KIF21A: variants seen among roughly 807,000 people sequenced by gnomAD.
The protein encoded by KIF21A is kinesin family member 21A.
A neutral mutation model predicts 202.9 loss-of-function variants in KIF21A; 114 were observed. That is an observed-to-expected ratio of 0.56 (90% CI 0.48 to 0.66). KIF21A has a LOEUF of 0.66. Ranked by LOEUF, KIF21A falls within the 30% of genes least tolerant of loss-of-function variation. The pLI is 0.00. For missense variants in KIF21A, 1,677 were observed against 1,994.9 expected (o/e 0.84, Z 3.04); for synonymous variants, 667 against 670.8 (o/e 0.99, Z 0.09).
intron 13 of KIF21A, 88 bp downstream of exon 13, chr12:39,341,946 T>C: frequency 1.1e-6 from 1 of 899,486 alleles, no homozygotes; most frequent in South Asian, 1.4e-5. Flanking sequence ...GCAGTTCACT[T>C]TTCTACAAGT....
At chr12:39,362,050 A>C (rs1949279970) in intron 7 of KIF21A, among the ~76,000 whole-genome samples, 1 of 151,908 alleles carries the variant, frequency 6.6e-6, no homozygotes, top group Admixed American at 6.6e-5. Context: ...GGTTGCTTAA[A>C]AGTGTTTGGC....
At chr12:39,405,938 C>T (rs534584044) in intron 1 of KIF21A, among the ~76,000 whole-genome samples, 235 of 152,248 alleles carry the variant, frequency 1.5e-3, no homozygotes, top group African/African-American at 5.6e-3. Context: ...GTGTGACTAA[C>T]ATTTTATTTT....
chr12:39,388,864 T>C (rs1383422959), intron 1 of KIF21A, among the ~76,000 whole-genome samples: 4 of 152,282 alleles, frequency 2.6e-5, no homozygotes, highest in African/African-American at 7.2e-5. Context: ...TACTCCTTAT[T>C]TTAAAACATA....
Position 39,366,533 on chromosome 12 carries a change from A to C in KIF21A, c.736-16T>G. The stretch of plus-strand genomic sequence containing the variant: ...TTGCATTGTCCTGAAATTAAGAAAA[A>C]TAATTGAAAATACTTTATTAATGTA... On this transcript the variant is annotated splice_polypyrimidine_tract_variant and intron_variant, in intron 5 of 37. Coordinates refer to ENST00000361418, the MANE Select transcript of KIF21A (RefSeq NM_001173464.2). The C allele has an allele frequency of 6.5e-7, 1 of 1,529,236 alleles. No homozygotes were observed. Among genetic ancestry groups the C allele is most frequent in the Non-Finnish European group, 9.0e-7 (1 of 1,109,692 alleles). 94.7% of individuals were successfully genotyped at this position (1,529,236 alleles called of 1,614,324 possible).
At chr12:39,311,629 T>C in intron 31 of KIF21A, 76 bp from the exon 32 acceptor site, 1 of 1,502,326 alleles carries the variant, frequency 6.7e-7, no homozygotes, top group Non-Finnish European at 9.2e-7. Flanking sequence ...TAGTTTTGTT[T>C]TTTTCCCCTA....
At chr12:39,347,951 C>T (rs1300864556) in intron 11 of KIF21A, among the ~76,000 whole-genome samples, 1 of 152,032 alleles carries the variant, frequency 6.6e-6, no homozygotes, top group African/African-American at 2.4e-5. Context: ...GTCTACTCTA[C>T]GCCTATACTA....
chr12:39,432,499 AT>A (rs1195860539), intron 1 of KIF21A, among the ~76,000 whole-genome samples: 2 of 152,238 alleles, frequency 1.3e-5, no homozygotes, highest in African/African-American at 4.8e-5. Flanking sequence ...TGTCAATTAA[AT>A]CACTGATATA....
intron 1 of KIF21A, among the ~76,000 whole-genome samples, chr12:39,371,977 G>A (rs1269672018): frequency 3.3e-5 from 5 of 150,858 alleles, no homozygotes; most frequent in Non-Finnish European, 4.4e-5. Flanking sequence ...ATCAAGACAG[G>A]TCAAGGAACA....
At position 39,309,739 on chromosome 12, in the gene KIF21A, A is replaced by G; in HGVS notation, c.4124T>C (p.Val1375Ala). 6.2e-7 allele frequency: 1 copy of G among 1,613,416 alleles called. No homozygotes were observed. ...CAGTGACATTATTTCCTGCCCAGTCACCAGATTCCATACTTTACAAGTACG... is the reference window on the plus strand; with the variant it reads ...CAGTGACATTATTTCCTGCCCAGTCGCCAGATTCCATACTTTACAAGTACG... ...KDRTCKVWNL[V>A]TGQEIMSLGG... The change falls in exon 33 of 38, where the codon GTG becomes GCG. Residue 1375 changes from valine to alanine, a missense_variant. This residue lies in a region of KIF21A where 705 missense variants were observed against 791.9 expected (regional missense o/e 0.89). Transcript: ENST00000361418.
intron 10 of KIF21A, among the ~76,000 whole-genome samples, chr12:39,354,652 CAT>C (rs959925689): frequency 2.6e-5 from 4 of 151,990 alleles, no homozygotes; most frequent in African/African-American, 9.7e-5. Context: ...AATAAACAAA[CAT>C]AAATTTGCAT....
In KIF21A at chr12:39,358,194, A is replaced by C; in HGVS notation, c.1199T>G (p.Leu400Arg). Residue 400 changes from leucine to arginine, a missense_variant, in exon 8 of 38, where the codon CTC becomes CGC. Leu to Arg is a moderately radical substitution (Grantham distance 102). This residue lies in a region of KIF21A where 966 missense variants were observed against 1,180.9 expected (regional missense o/e 0.82). Transcript: ENST00000361418. ...RSEITRLQMELMEYKTGKRII... is the reference protein window; with the variant it reads ...RSEITRLQMERMEYKTGKRII... ...TTAGCTTACTGTTTTGTACTCCATG[A>C]GCTCCATCTGAAGTCGTGTGATTTC... 2.5e-6 allele frequency: 4 copies of C among 1,614,004 alleles called. No homozygotes were observed. The South Asian group carries it at 4.4e-5, about 18-fold the overall frequency.
In KIF21A at chr12:39,331,716, G is replaced by A. The variant is rs771841179; in HGVS notation, c.3127C>T (p.His1043Tyr). ...TTATTGATGCCCATTGACAGGAAGT[G>A]ATCTAGCAGGTATCGGGCTTCTGTA... ...TLTEARYLLD[H>Y]FLSMGINKGL... is the part of the protein sequence containing the mutation. The change falls in exon 22 of 38, where the codon CAC becomes TAC. Residue 1043 changes from histidine to tyrosine, a missense_variant. Coordinates refer to ENST00000361418, the MANE Select transcript of KIF21A (RefSeq NM_001173464.2). 1 of 1,612,966 alleles carries A rather than the reference G, an allele frequency of 6.2e-7. No homozygotes were observed. The highest frequency in any genetic ancestry group is 1.1e-5 in the South Asian group (1 of 91,048).
chr12:39,323,469 T>C (rs1349074307), intron 26 of KIF21A, among the ~76,000 whole-genome samples: 1 of 152,224 alleles, frequency 6.6e-6, no homozygotes, highest in South Asian at 2.1e-4. Flanking sequence ...CCTCTTCCCA[T>C]GATGCCTTAA....
chr12:39,361,672 ATT>A (rs1207120084), intron 7 of KIF21A, among the ~76,000 whole-genome samples: 1 of 150,282 alleles, frequency 6.7e-6, no homozygotes, highest in Non-Finnish European at 1.5e-5. Flanking sequence ...CGCCTGGCTA[ATT>A]TTTTTGTATT....
intron 34 of KIF21A, among the ~76,000 whole-genome samples, chr12:39,306,422 C>T (rs1175986900): frequency 6.6e-6 from 1 of 152,102 alleles, no homozygotes; most frequent in Non-Finnish European, 1.5e-5. Context: ...TAAAAAAGTA[C>T]TGTTTTTAAT....
At chr12:39,391,918 T>C (rs905456065) in intron 1 of KIF21A, among the ~76,000 whole-genome samples, 2 of 152,078 alleles carry the variant, frequency 1.3e-5, no homozygotes, top group African/African-American at 4.8e-5. Context: ...TTTTGTATTT[T>C]TAGTAGAGAC....
rs529249349 is a variant in KIF21A at position 39,341,440 on chromosome 12, T to C, written c.1921+65A>G. 1.1e-5 allele frequency: 17 copies of C among 1,486,600 alleles called. No individual in the cohort carries two copies. The East Asian group carries it at 1.4e-4, about 12-fold the overall frequency. 92.1% of individuals were successfully genotyped at this position (1,486,600 alleles called of 1,614,324 possible). A position where few individuals can be genotyped will look rare whatever the true frequency, so the allele number is the denominator to read the frequency against. ...AGTATGAAATAGAGAATGTTAAGAG[T>C]TTTCTGTCATGGTTTAAACAACTTC... On this transcript the variant is annotated intron_variant, in intron 14 of 37. Coordinates refer to ENST00000361418, the MANE Select transcript of KIF21A (RefSeq NM_001173464.2).
chr12:39,342,202 A>G lies in KIF21A; in HGVS notation c.1713-78T>C, dbSNP rs1316495856. ...ACTTTTTCTCCCTCAGATTTTTAGA[A>G]GCCATCAATGATTTGTGAAAACAAA... On this transcript the variant is annotated intron_variant, in intron 12 of 37. Coordinates refer to ENST00000361418, the MANE Select transcript of KIF21A (RefSeq NM_001173464.2). 2.4e-5 allele frequency: 24 copies of G among 990,752 alleles called. No individual in the cohort carries two copies. The East Asian group carries it at 5.6e-4, about 23-fold the overall frequency. The allele number at this position is 990,752 out of a possible 1,614,324, so 61.4% of individuals were successfully genotyped here.
chr12:39,337,269 T>C (rs1947061899), intron 16 of KIF21A, 66 bp from the exon 17 acceptor site: 1 of 993,342 alleles, frequency 1.0e-6, no homozygotes, highest in Middle Eastern at 2.1e-4. Flanking sequence ...ATCAACCACA[T>C]ATATGGAAGT....
Sources: gnomAD v4.1 joint callset for allele counts (sites outside exome capture counted in the v4.1 genomes callset) on GRCh38, gnomAD v4.1.1 for gene constraint, gnomAD v4.1.1 regional missense constraint, MANE v1.5 for transcripts, NCBI Gene and HGNC (gene_info 2026-07-23, HGNC 2026-07-21) for gene names.